MRPS27: variants seen among roughly 807,000 people sequenced by gnomAD.
MRPS27 encodes mitochondrial ribosomal protein S27.
MRPS27 carries 43 observed loss-of-function variants against 48.9 expected under a neutral mutation model. That is an observed-to-expected ratio of 0.88 (90% confidence interval 0.69 to 1.13). The LOEUF (loss-of-function observed/expected upper bound fraction) is 1.13. MRPS27 is among the 50% of genes most tolerant of loss of function. MRPS27 has a pLI of 0.00. For synonymous variants in MRPS27, 188 were observed against 171.9 expected, an observed-to-expected ratio of 1.09 and a Z score of -0.73; for missense variants, 467 against 476.3, an observed-to-expected ratio of 0.98 and a Z score of 0.18.
At chr5:72,221,786 C>T (rs1291808783) in intron 10 of MRPS27, among the ~76,000 whole-genome samples, 1 of 152,222 alleles carries the variant, frequency 6.6e-6, no homozygotes. Context: ...TGCTGTGCTC[C>T]ACTGCATTGG....
rs1245390653 is a variant in MRPS27 at position 72,228,298 on chromosome 5, A to G, written c.662T>C (p.Phe221Ser). The G allele has an allele frequency of 6.2e-7, 1 of 1,613,682 alleles. No homozygotes were observed. Among genetic ancestry groups the G allele is most frequent in the Non-Finnish European group, 8.5e-7 (1 of 1,179,710 alleles). The change falls in exon 8 of 11, where the codon TTC becomes TCC. Residue 221 changes from phenylalanine to serine, a missense_variant. By Grantham distance (155) the Phe-to-Ser change is radical. Coordinates refer to ENST00000261413, the MANE Select transcript of MRPS27 (RefSeq NM_015084.3). ...PGLKQKNSVGFSSQLYGYALL... is the reference protein window; with the variant it reads ...PGLKQKNSVGSSSQLYGYALL... ...TGCATAGCCATACAACTGGGAACTGAAACCCACTGAGTTCTTTTGTTTTAG... is the reference window on the plus strand; with the variant it reads ...TGCATAGCCATACAACTGGGAACTGGAACCCACTGAGTTCTTTTGTTTTAG...
chr5:72,267,340 A>G (rs1412078226), intron 4 of MRPS27, among the ~76,000 whole-genome samples: 1 of 152,222 alleles, frequency 6.6e-6, no homozygotes, highest in African/African-American at 2.4e-5. Flanking sequence ...ACAGAGAAAG[A>G]CAATGTATAC....
At chr5:72,305,672 C>T (rs994815318) in intron 2 of MRPS27, among the ~76,000 whole-genome samples, 7 of 152,186 alleles carry the variant, frequency 4.6e-5, no homozygotes, top group Non-Finnish European at 8.8e-5. Flanking sequence ...CTGAATTCAG[C>T]TCAAGTCACC....
intron 4 of MRPS27, among the ~76,000 whole-genome samples, chr5:72,260,982 G>A (rs1748951162): frequency 6.6e-6 from 1 of 152,132 alleles, no homozygotes; most frequent in African/African-American, 2.4e-5. Context: ...TCATGCCTCA[G>A]TCTCCCAAGT....
intron 4 of MRPS27, among the ~76,000 whole-genome samples, chr5:72,260,409 C>T (rs181567166): frequency 7.2e-4 from 109 of 152,252 alleles, no homozygotes; most frequent in Non-Finnish European, 4.0e-4. Flanking sequence ...GTCTTCCAGG[C>T]GTTGATCTTT....
intron 4 of MRPS27, among the ~76,000 whole-genome samples, chr5:72,276,574 T>C (rs1475431722): frequency 2.0e-5 from 3 of 152,116 alleles, no homozygotes; most frequent in Non-Finnish European, 2.9e-5. Context: ...TGGGATCTAA[T>C]TAAACTGAAG....
intron 4 of MRPS27, among the ~76,000 whole-genome samples, chr5:72,294,276 T>C (rs1431842546): frequency 1.3e-5 from 2 of 150,488 alleles, no homozygotes; most frequent in Admixed American, 6.6e-5. Context: ...CTTTAAAAAA[T>C]GCATCTAGAA....
At chr5:72,261,969 A>T (rs914854961) in intron 4 of MRPS27, among the ~76,000 whole-genome samples, 1 of 152,218 alleles carries the variant, frequency 6.6e-6, no homozygotes, top group Non-Finnish European at 1.5e-5. Flanking sequence ...AGCAGGTATC[A>T]ACTGTGGCAG....
intron 4 of MRPS27, among the ~76,000 whole-genome samples, chr5:72,273,193 G>A (rs1749290738): frequency 6.6e-6 from 1 of 152,062 alleles, no homozygotes; most frequent in Non-Finnish European, 1.5e-5. Flanking sequence ...TAGTTACCTG[G>A]CCCAAGTAAA....
At position 72,226,041 on chromosome 5, in the gene MRPS27, G is replaced by C; in HGVS notation, c.837+16C>G. ...CAGATGGCTAAATCTCACTGCCTTAGAGCTGAAGAACATACCGCTTCTCTA... is the reference window on the plus strand; with the variant it reads ...CAGATGGCTAAATCTCACTGCCTTACAGCTGAAGAACATACCGCTTCTCTA... On this transcript the variant is annotated intron_variant, in intron 9 of 10. Transcript: ENST00000261413. The C allele has an allele frequency of 1.2e-6, 2 of 1,606,600 alleles. No homozygotes were observed. The highest frequency in any genetic ancestry group is 4.5e-5 in the East Asian group (2 of 44,600).
At chr5:72,222,637 G>A (rs1747778398) in intron 10 of MRPS27, 1 of 152,200 alleles carries the variant, frequency 6.6e-6, no homozygotes, top group Non-Finnish European at 1.5e-5. Flanking sequence ...GGGCTAAGGA[G>A]ATTTTTTTCT....
chr5:72,298,598 G>C (rs1020689068), intron 2 of MRPS27, among the ~76,000 whole-genome samples: 6 of 151,600 alleles, frequency 4.0e-5, no homozygotes, highest in South Asian at 4.2e-4. Flanking sequence ...CCCAGCTACT[G>C]GGGAGGCTGA....
intron 8 of MRPS27, chr5:72,227,544 G>C (rs1747934690): frequency 6.6e-6 from 1 of 152,174 alleles, no homozygotes; most frequent in African/African-American, 2.4e-5. Context: ...ATAATTGAGA[G>C]ATGCCTAACT....
intron 4 of MRPS27, among the ~76,000 whole-genome samples, chr5:72,266,987 G>A (rs1046662496): frequency 7.9e-5 from 12 of 152,176 alleles, no homozygotes; most frequent in Admixed American, 7.9e-4. Flanking sequence ...GAGGCTCAGG[G>A]CTTCAGAGAT....
At chr5:72,309,743 C>A (rs1750387696) in intron 2 of MRPS27, among the ~76,000 whole-genome samples, 1 of 152,202 alleles carries the variant, frequency 6.6e-6, no homozygotes, top group African/African-American at 2.4e-5. Flanking sequence ...TGGAATTCGT[C>A]ATTCCCTTAT....
At chr5:72,258,744 C>G (rs1748882845) in intron 4 of MRPS27, among the ~76,000 whole-genome samples, 1 of 152,172 alleles carries the variant, frequency 6.6e-6, no homozygotes, top group African/African-American at 2.4e-5. Flanking sequence ...TGATTTTGGA[C>G]TTCCCAGCCT....
intron 2 of MRPS27, among the ~76,000 whole-genome samples, chr5:72,302,041 G>C (rs1750138557): frequency 6.6e-6 from 1 of 152,206 alleles, no homozygotes; most frequent in African/African-American, 2.4e-5. Flanking sequence ...ACATACTGTG[G>C]CAGATGGTTG....
At chr5:72,304,929 A>G (rs1750221151) in intron 2 of MRPS27, among the ~76,000 whole-genome samples, 1 of 152,258 alleles carries the variant, frequency 6.6e-6, no homozygotes, top group Admixed American at 6.5e-5. Context: ...AGAAACAGGT[A>G]CAGATTATTA....
chr5:72,270,678 G>A (rs1007534951), intron 4 of MRPS27, among the ~76,000 whole-genome samples: 103 of 152,038 alleles, frequency 6.8e-4, no homozygotes, highest in African/African-American at 2.2e-3. Flanking sequence ...CAATCCTGAC[G>A]CCAAAACTAC....
Sources: allele counts gnomAD v4.1 joint callset (sites outside exome capture counted in the v4.1 genomes callset), GRCh38; gene constraint gnomAD v4.1.1; transcripts MANE v1.5; gene names NCBI Gene and HGNC (gene_info 2026-07-23, HGNC 2026-07-21).